Variants in AGBL4 observed in about 807,000 individuals in gnomAD.
AGBL4 encodes cytosolic carboxypeptidase 6.
In AGBL4, 58 loss-of-function variants were observed where a neutral mutation model predicts 66.4. The observed-to-expected ratio is 0.87, with a 90% CI of 0.71 to 1.09. The LOEUF (loss-of-function observed/expected upper bound fraction) is 1.09. Among genes scored for constraint, AGBL4 ranks in the 50% least tolerant of loss-of-function variants. AGBL4 has a pLI of 0.00. For synonymous variants in AGBL4, 234 were observed against 222.9 expected (o/e 1.05, Z -0.44); for missense variants, 579 against 631.0 (o/e 0.92, Z 0.88).
In AGBL4 at chr1:48,736,147, A is replaced by G; in HGVS notation, c.635-72906T>C. 5 of 1,419,900 alleles carry G rather than the reference A, an allele frequency of 3.5e-6. No homozygotes were observed. Among genetic ancestry groups the G allele is most frequent in the South Asian group, 2.4e-5 (2 of 83,442 alleles). 88.0% of individuals were successfully genotyped at this position (1,419,900 alleles called of 1,614,324 possible). ...CCAGGGTCTGGCATGCAGAAGCTTC[A>G]TAAGTAATCGTTGAATTGAATTGTG... On this transcript the variant is annotated intron_variant, in intron 6 of 13. Coordinates refer to ENST00000371839, the MANE Select transcript of AGBL4 (RefSeq NM_032785.4). This position sits in a 1 kb window ranked among gnomAD's most constrained non-coding sequence, Gnocchi z 4.0.
intron 2 of AGBL4, among the ~76,000 whole-genome samples, chr1:49,790,755 G>A (rs558761770): frequency 4.8e-4 from 73 of 152,142 alleles, no homozygotes; most frequent in Non-Finnish European, 5.6e-4. Context: ...TGCACAATAA[G>A]AAATGTGTAA....
rs561643524 is a variant in AGBL4, at chr1:49,656,574, T to C, written c.282+40739A>G. Among the ~76,000 whole-genome samples the C allele has an allele frequency of 3.0e-3, 452 of 152,246 alleles. 2 individuals carry two copies. Among genetic ancestry groups the C allele is most frequent in the African/African-American group, 0.01 (429 of 41,534 alleles). On this transcript the variant is annotated intron_variant, in intron 3 of 13. Coordinates refer to ENST00000371839, the MANE Select transcript of AGBL4 (RefSeq NM_032785.4). The stretch of plus-strand genomic sequence containing the variant: ...ACAAAAAAAGAGAATTTTAGACCAA[T>C]ATCCCTGATGAACGTTGATGCAAAA...
At chr1:49,561,483 C>T (rs1305494) in intron 3 of AGBL4, among the ~76,000 whole-genome samples, 102,683 of 150,718 alleles carry the variant, frequency 0.68, 35,747 homozygotes, top group African/African-American at 0.77. Context: ...ACAGTCCCCA[C>T]TGTGTGATGT....
intron 3 of AGBL4, among the ~76,000 whole-genome samples, chr1:49,688,200 C>T (rs1646821902): frequency 6.6e-6 from 1 of 152,194 alleles, no homozygotes; most frequent in Admixed American, 6.5e-5. Flanking sequence ...CTTCCACACC[C>T]TCCCCACAAC....
At chr1:48,825,141 G>C (rs1646399410) in intron 6 of AGBL4, among the ~76,000 whole-genome samples, 1 of 152,138 alleles carries the variant, frequency 6.6e-6, no homozygotes, top group African/African-American at 2.4e-5. Context: ...GGAGGGAGGA[G>C]GGAAACAAGA....
At chr1:49,921,732 A>C (rs6588369) in intron 1 of AGBL4, among the ~76,000 whole-genome samples, 79,768 of 152,080 alleles carry the variant, frequency 0.52, 22,267 homozygotes, top group Non-Finnish European at 0.62. Flanking sequence ...GAGAAAAAGA[A>C]GGAAGCATCC....
At chr1:49,197,290 G>T (rs184172226) in intron 4 of AGBL4, among the ~76,000 whole-genome samples, 288 of 152,284 alleles carry the variant, frequency 1.9e-3, no homozygotes, top group Admixed American at 3.9e-3. Flanking sequence ...ACCATGAGCA[G>T]GCTCATGACC....
intron 1 of AGBL4, among the ~76,000 whole-genome samples, chr1:50,003,770 G>T (rs979150053): frequency 1.3e-5 from 2 of 152,148 alleles, no homozygotes; most frequent in Admixed American, 6.5e-5. Flanking sequence ...GAAAGGGTAG[G>T]TAAAGCTCAT....
chr1:49,928,459 C>A (rs1019527157), intron 1 of AGBL4, among the ~76,000 whole-genome samples: 1 of 151,988 alleles, frequency 6.6e-6, no homozygotes, highest in African/African-American at 2.4e-5. Flanking sequence ...CCATGTTGGC[C>A]AGGATGATCT....
rs528001441 is a variant in AGBL4 at position 49,757,580 on chromosome 1, A to G, written c.158-60143T>C. 3.0e-4 allele frequency among the ~76,000 whole-genome samples: 45 copies of G among 152,304 alleles called. No individual in the cohort carries two copies. In the South Asian group the frequency reaches 9.1e-3, roughly 31 times the overall value. ...AACCAAAAGGCTGATAGTGATATGG[A>G]CAATGAAGTCCAGGTTGAGGTGGTC... is the stretch of plus-strand genomic sequence containing the variant. On this transcript the variant is annotated intron_variant, in intron 2 of 13. Coordinates refer to ENST00000371839, the MANE Select transcript of AGBL4 (RefSeq NM_032785.4).
intron 4 of AGBL4, among the ~76,000 whole-genome samples, chr1:49,200,264 C>T (rs1570040632): frequency 6.6e-6 from 1 of 152,180 alleles, no homozygotes; most frequent in East Asian, 1.9e-4. Context: ...AAGCTCATTT[C>T]AGATACTTTG....
At chr1:49,689,642 C>T (rs1171189813) in intron 3 of AGBL4, among the ~76,000 whole-genome samples, 3 of 152,162 alleles carry the variant, frequency 2.0e-5, no homozygotes, top group African/African-American at 7.2e-5. Context: ...TACATTCAAT[C>T]TACGGACTGC....
intron 4 of AGBL4, 58 bp from the exon 5 acceptor site, chr1:49,045,858 G>T (rs763524789): frequency 2.9e-6 from 4 of 1,386,742 alleles, no homozygotes; most frequent in African/African-American, 1.4e-5. Flanking sequence ...AGCTTCAAAA[G>T]GTAATACATA....
At chr1:48,737,289 G>T (rs555313829) in intron 6 of AGBL4, among the ~76,000 whole-genome samples, 7 of 151,078 alleles carry the variant, frequency 4.6e-5, no homozygotes, top group African/African-American at 1.5e-4. Context: ...GTCTCAAAAA[G>T]AAAAAAGAAA....
intron 6 of AGBL4, among the ~76,000 whole-genome samples, chr1:48,707,480 G>C (rs1646899176): frequency 6.6e-6 from 1 of 152,162 alleles, no homozygotes; most frequent in Non-Finnish European, 1.5e-5. Flanking sequence ...CCATGTGCTT[G>C]GGCTAATCAA....
chr1:48,654,330 C>T (rs114395476), intron 7 of AGBL4, among the ~76,000 whole-genome samples: 6 of 152,260 alleles, frequency 3.9e-5, no homozygotes, highest in African/African-American at 1.4e-4. Flanking sequence ...CTGTCACTCC[C>T]TCTTTGATAT....
chr1:49,927,322 T>C (rs1652876391), intron 1 of AGBL4, among the ~76,000 whole-genome samples: 1 of 152,156 alleles, frequency 6.6e-6, no homozygotes, highest in Non-Finnish European at 1.5e-5. Flanking sequence ...ATTAGTAATT[T>C]ATAAAGGAAA....
chr1:49,027,306 G>GT (rs1663785210), intron 5 of AGBL4, among the ~76,000 whole-genome samples: 1 of 151,914 alleles, frequency 6.6e-6, no homozygotes, highest in Non-Finnish European at 1.5e-5. Context: ...GATTACAGGT[G>GT]TGTGCCATGA....
At chr1:49,793,888 GA>G (rs779570504) in intron 2 of AGBL4, among the ~76,000 whole-genome samples, 1 of 151,892 alleles carries the variant, frequency 6.6e-6, no homozygotes, top group Non-Finnish European at 1.5e-5. Flanking sequence ...ATGACTGAAG[GA>G]AAATCAGAAG....
Sources: allele counts gnomAD v4.1 joint callset (sites outside exome capture counted in the v4.1 genomes callset), GRCh38; gene constraint gnomAD v4.1.1; non-coding constraint Gnocchi (gnomAD v3.1); transcripts MANE v1.5; gene names NCBI Gene and HGNC (gene_info 2026-07-23, HGNC 2026-07-21).